Variants in ATF7IP2 observed in about 807,000 individuals in gnomAD.
ATF7IP2 encodes activating transcription factor 7 interacting protein 2.
Under a neutral mutation model 64.2 loss-of-function variants are expected in ATF7IP2, and 42 were observed. That is an observed-to-expected ratio of 0.65 (90% CI 0.51 to 0.85). The LOEUF is 0.85. Among genes scored for constraint, ATF7IP2 ranks in the 40% least tolerant of loss-of-function variants. The probability of loss-of-function intolerance (pLI) is 0.00; values close to 1 mark genes in which losing one functional copy is unlikely to be tolerated. For missense variants in ATF7IP2, 933 were observed against 784.2 expected (o/e 1.19, Z -2.27); for synonymous variants, 308 against 272.8 (o/e 1.13, Z -1.27).
chr16:10,436,606 ATCATCCAGGTGATATCAATATAAG>A (rs1373275541), intron 6 of ATF7IP2, among the ~76,000 whole-genome samples: 5 of 152,170 alleles, frequency 3.3e-5, no homozygotes, highest in Non-Finnish European at 1.5e-5. Flanking sequence ...AAAGAATATA[ATCATCCAGGTGATATCAATATAAG>A]AGTTTAACGT....
At chr16:10,420,259 G>A (rs771300373) in intron 3 of ATF7IP2, among the ~76,000 whole-genome samples, 2 of 152,200 alleles carry the variant, frequency 1.3e-5, no homozygotes, top group Non-Finnish European at 2.9e-5. Context: ...GTTTAACACA[G>A]GCAGAAGACT....
chr16:10,425,786 G>A lies in ATF7IP2; in HGVS notation c.-159-3082G>A, dbSNP rs35093563. Among the ~76,000 whole-genome samples the A allele has an allele frequency of 2.2e-3, 332 of 151,792 alleles. 1 individual carries two copies. The highest frequency in any genetic ancestry group is 7.8e-3 in the African/African-American group (323 of 41,354). ...CACACGCCTATAATCCCAGCTGTTC[G>A]TGAGGCTGAGGCAGGAGAATCACTT... On this transcript the variant is annotated intron_variant, in intron 3 of 13. Coordinates refer to ENST00000562102, the MANE Select transcript of ATF7IP2 (RefSeq NM_001393719.1).
At chr16:10,441,197 G>C (rs913392594) in intron 8 of ATF7IP2, among the ~76,000 whole-genome samples, 3 of 152,152 alleles carry the variant, frequency 2.0e-5, no homozygotes, top group African/African-American at 7.2e-5. Context: ...TGTAAATAGT[G>C]CTGCAATAAA....
At chr16:10,404,910 A>G (rs559800388) in intron 1 of ATF7IP2, among the ~76,000 whole-genome samples, 71 of 152,298 alleles carry the variant, frequency 4.7e-4, no homozygotes, top group African/African-American at 1.6e-3. Flanking sequence ...TGCTGAAAGA[A>G]AAAAAACCAG....
At chr16:10,434,482 T>C (rs2048354371) in intron 6 of ATF7IP2, among the ~76,000 whole-genome samples, 1 of 152,154 alleles carries the variant, frequency 6.6e-6, no homozygotes, top group Non-Finnish European at 1.5e-5. Context: ...AAACAGACCA[T>C]TACAATTACA....
At chr16:10,481,279 A>G (rs1015899296) in intron 13 of ATF7IP2, among the ~76,000 whole-genome samples, 1 of 152,190 alleles carries the variant, frequency 6.6e-6, no homozygotes, top group Non-Finnish European at 1.5e-5. Context: ...TGCCCAGGCT[A>G]TAGTGCGGTG....
intron 8 of ATF7IP2, chr16:10,446,618 G>A (rs1226946176): frequency 6.6e-6 from 1 of 152,160 alleles, no homozygotes; most frequent in East Asian, 1.9e-4. Flanking sequence ...AGGGTTCGAG[G>A]ATTGGTTCCT....
At chr16:10,388,768 T>C (rs1301464072) in intron 1 of ATF7IP2, among the ~76,000 whole-genome samples, 2 of 151,996 alleles carry the variant, frequency 1.3e-5, no homozygotes, top group East Asian at 3.9e-4. Context: ...CCCAGCACTT[T>C]GGGAGGCTGA....
Position 10,472,131 on chromosome 16 carries a change from G to C in ATF7IP2, c.1374G>C (p.Leu458Phe). Residue 458 changes from leucine to phenylalanine, a missense_variant, in exon 10 of 14, where the codon TTG becomes TTC. By Grantham distance (22) the Leu-to-Phe change is conservative (BLOSUM62 0). Coordinates refer to ENST00000562102, the MANE Select transcript of ATF7IP2 (RefSeq NM_001393719.1). ...VSESNNDDVMLISVESPNLTT... is the reference protein window; with the variant it reads ...VSESNNDDVMFISVESPNLTT... ...TTAGTAACAATGATGATGTTATGTTGATTTCTGTGGAAAGTCCTAATTTGA... is the reference window on the plus strand; with the variant it reads ...TTAGTAACAATGATGATGTTATGTTCATTTCTGTGGAAAGTCCTAATTTGA... The C allele has an allele frequency of 6.4e-7, 1 of 1,565,952 alleles. No homozygotes were observed. The highest frequency in any genetic ancestry group is 8.7e-7 in the Non-Finnish European group (1 of 1,147,874).
chr16:10,423,320 G>T (rs2048023070), intron 3 of ATF7IP2, among the ~76,000 whole-genome samples: 1 of 152,196 alleles, frequency 6.6e-6, no homozygotes, highest in Non-Finnish European at 1.5e-5. Flanking sequence ...GCTGGAGACA[G>T]CAACATTCTT....
chr16:10,387,847 C>G (rs2047234440), intron 1 of ATF7IP2: 2 of 149,734 alleles, frequency 1.3e-5, no homozygotes, highest in African/African-American at 4.9e-5. Flanking sequence ...CCCCGCCACC[C>G]GGACACACAC....
At chr16:10,437,882 C>G (rs1397685475) in intron 6 of ATF7IP2, among the ~76,000 whole-genome samples, 1 of 152,122 alleles carries the variant, frequency 6.6e-6, no homozygotes, top group Non-Finnish European at 1.5e-5. Context: ...AATTTAATTT[C>G]TAACATGTCC....
intron 1 of ATF7IP2, among the ~76,000 whole-genome samples, chr16:10,402,528 T>C (rs975145349): frequency 2.0e-5 from 3 of 152,136 alleles, no homozygotes; most frequent in African/African-American, 7.2e-5. Context: ...ATTGGCATGA[T>C]TTTTTACTTA....
intron 8 of ATF7IP2, among the ~76,000 whole-genome samples, chr16:10,452,041 A>G (rs911459567): frequency 2.6e-5 from 4 of 152,012 alleles, no homozygotes; most frequent in African/African-American, 9.7e-5. Context: ...GACAAGAGCA[A>G]AACTCCGTCC....
chr16:10,406,853 CCTA>C (rs1188072383), intron 1 of ATF7IP2, among the ~76,000 whole-genome samples: 2 of 152,304 alleles, frequency 1.3e-5, no homozygotes, highest in Non-Finnish European at 2.9e-5. Flanking sequence ...TAATACCAAT[CCTA>C]CTGAAATCAT....
chr16:10,473,980 T>G lies in ATF7IP2; in HGVS notation c.1540T>G (p.Cys514Gly). ...IDLTKEGLSN[C>G]NTESPVSPLE... ...TTTGACAAAAGAAGGCCTATCCAAC[T>G]GCAATACAGGTAAAAGGATTTTTTA... The change falls in exon 12 of 14, where the codon TGC (cysteine) becomes GGC (glycine). Residue 514 changes from cysteine to glycine, a missense_variant. Coordinates refer to ENST00000562102, the MANE Select transcript of ATF7IP2 (RefSeq NM_001393719.1). The G allele has an allele frequency of 6.3e-7, 1 of 1,595,034 alleles. No homozygotes were observed.
At chr16:10,392,536 C>A (rs753137590) in intron 1 of ATF7IP2, among the ~76,000 whole-genome samples, 20 of 151,950 alleles carry the variant, frequency 1.3e-4, no homozygotes, top group Non-Finnish European at 2.8e-4. Context: ...GTTAATTATT[C>A]TAATATTTAA....
intron 12 of ATF7IP2, among the ~76,000 whole-genome samples, chr16:10,480,383 T>A (rs761564945): frequency 2.6e-5 from 4 of 151,992 alleles, no homozygotes; most frequent in Non-Finnish European, 5.9e-5. Flanking sequence ...CCATCTATTT[T>A]CCTTTCTGTT....
intron 1 of ATF7IP2, among the ~76,000 whole-genome samples, chr16:10,397,559 C>T (rs977214213): frequency 5.3e-5 from 8 of 152,134 alleles, no homozygotes; most frequent in African/African-American, 1.9e-4. Flanking sequence ...GCATTCCAGC[C>T]TGGGCCACAG....
Sources: gnomAD v4.1 joint callset for allele counts (sites outside exome capture counted in the v4.1 genomes callset) on GRCh38, gnomAD v4.1.1 for gene constraint, MANE v1.5 for transcripts, NCBI Gene and HGNC (gene_info 2026-07-23, HGNC 2026-07-21) for gene names.